Variants in BOC observed in about 807,000 individuals in gnomAD.
BOC encodes BOC cell adhesion associated, oncogene regulated.
Under a neutral mutation model 112.0 loss-of-function variants are expected in BOC, and 76 were observed. That is an observed-to-expected ratio of 0.68 (90% confidence interval 0.56 to 0.82). BOC has a LOEUF of 0.82. Among genes scored for constraint, BOC ranks in the 40% least tolerant of loss-of-function variants. The pLI, the probability that BOC is intolerant of heterozygous loss-of-function variation, is 0.00. For synonymous variants in BOC, 580 were observed against 599.8 expected, an observed-to-expected ratio of 0.97 and a Z score of 0.48; for missense variants, 1,309 against 1,511.7, an observed-to-expected ratio of 0.87 and a Z score of 2.22.
intron 4 of BOC, among the ~76,000 whole-genome samples, chr3:113,262,693 C>T (rs1947021253): frequency 6.6e-6 from 1 of 152,226 alleles, no homozygotes; most frequent in Non-Finnish European, 1.5e-5. Context: ...ACATCCTCAG[C>T]AGAAAACTGC....
intron 2 of BOC, among the ~76,000 whole-genome samples, chr3:113,247,840 T>A (rs985059641): frequency 1.9e-4 from 29 of 152,188 alleles, no homozygotes; most frequent in Non-Finnish European, 3.5e-4. Flanking sequence ...ACCCTTTGAT[T>A]TACTGGATTG....
intron 2 of BOC, among the ~76,000 whole-genome samples, chr3:113,218,072 C>T (rs116621529): frequency 4.5e-4 from 68 of 152,242 alleles, no homozygotes; most frequent in African/African-American, 1.5e-3. Context: ...TGAAAGTTGC[C>T]GGGCTCTCAA....
chr3:113,261,983 T>A (rs77890678), intron 4 of BOC: 1 of 152,156 alleles, frequency 6.6e-6, no homozygotes. Flanking sequence ...TTTTTTTTTT[T>A]AATTCTTCTT....
chr3:113,271,297 G>A, intron 6 of BOC: 2 of 478,640 alleles, frequency 4.2e-6, no homozygotes, highest in South Asian at 1.6e-5. Context: ...CATGTGCCTA[G>A]AACAGATGGC....
chr3:113,250,020 G>A, intron 3 of BOC, 121 bp downstream of exon 3: 9 of 801,122 alleles, frequency 1.1e-5, no homozygotes, highest in South Asian at 6.3e-5. Context: ...ATTCCCATTG[G>A]CCTTCAGGGA....
Position 113,272,685 on chromosome 3 carries a change from T to C in BOC, c.943T>C (p.Tyr315His). ...GCAGCCCGGGGCAGCGGTCATCCTC[T>C]ACAATGTCCAGGTGTTTGGTGAGTG... ...VGQPGAAVIL[Y>H]NVQVFEPPEV... The change falls in exon 7 of 20, where the codon TAC becomes CAC. Residue 315 changes from tyrosine (Y) to histidine (H), a missense_variant. Transcript: ENST00000682979. 6.2e-7 allele frequency: 1 copy of C among 1,613,688 alleles called. No homozygotes were observed. Among genetic ancestry groups the C allele is most frequent in the Non-Finnish European group, 8.5e-7 (1 of 1,179,902 alleles).
intron 2 of BOC, among the ~76,000 whole-genome samples, chr3:113,234,581 T>C (rs1943163633): frequency 6.6e-6 from 1 of 152,216 alleles, no homozygotes; most frequent in Admixed American, 6.5e-5. Flanking sequence ...CCTAAGCTCA[T>C]TGAAGACTGG....
At chr3:113,218,463 T>C (rs1256321235) in intron 2 of BOC, among the ~76,000 whole-genome samples, 2 of 152,136 alleles carry the variant, frequency 1.3e-5, no homozygotes, top group African/African-American at 4.8e-5. Context: ...CATTTCATAG[T>C]GGTGTGAGGG....
chr3:113,272,314 T>G, intron 6 of BOC, 96 bp from the exon 7 acceptor site: 1 of 1,370,654 alleles, frequency 7.3e-7, no homozygotes, highest in South Asian at 1.3e-5. Flanking sequence ...GGCTGTTTGA[T>G]CCCATCTCCA....
At chr3:113,276,661 T>C (rs1418253713) in intron 9 of BOC, among the ~76,000 whole-genome samples, 1 of 152,248 alleles carries the variant, frequency 6.6e-6, no homozygotes, top group Non-Finnish European at 1.5e-5. Flanking sequence ...TAATTTTCAC[T>C]GTTTCACATC....
intron 2 of BOC, among the ~76,000 whole-genome samples, chr3:113,242,759 T>C (rs1193404778): frequency 2.0e-5 from 3 of 152,162 alleles, no homozygotes; most frequent in African/African-American, 7.2e-5. Flanking sequence ...AACTCTTTTC[T>C]CTGGTCTTCC....
In BOC at chr3:113,260,721, A is replaced by AAGAACAGAACAGAACAGAACAGAAC. The variant is rs1553737947; in HGVS notation, c.377-7570_377-7546dup. Among the ~76,000 whole-genome samples the AAGAACAGAACAGAACAGAACAGAAC allele has an allele frequency of 8.6e-3, 797 of 92,168 alleles. 18 individuals carry two copies. Among genetic ancestry groups the AAGAACAGAACAGAACAGAACAGAAC allele is most frequent in the Middle Eastern group, 0.015 (3 of 206 alleles). The allele number at this position is 92,168 out of a possible 152,430, so 60.5% of individuals were successfully genotyped here. ...ACAGAACAGAACAGAACAGAACAGAAAGAACAGAACAGAACAGAACAGAAC... is the reference window on the plus strand; with the variant it reads ...ACAGAACAGAACAGAACAGAACAGAAAGAACAGAACAGAACAGAACAGAACAGAACAGAACAGAACAGAACAGAAC... On this transcript the variant is annotated intron_variant, in intron 4 of 19. Transcript: ENST00000682979.
At chr3:113,280,509 G>A in intron 13 of BOC, 49 bp from the exon 14 acceptor site, 1 of 1,355,690 alleles carries the variant, frequency 7.4e-7, no homozygotes, top group Non-Finnish European at 1.1e-6. Context: ...TTGCTTTGAT[G>A]ATGTTTTCTC....
At chr3:113,237,470 C>T (rs1276265541) in intron 2 of BOC, among the ~76,000 whole-genome samples, 1 of 152,198 alleles carries the variant, frequency 6.6e-6, no homozygotes, top group Admixed American at 6.5e-5. Context: ...GGCATGGTCT[C>T]ATCCTAGATT....
In BOC at chr3:113,284,875, C is replaced by T; in HGVS notation, c.2966+17C>T. ...GATCACGAGGTAACCAGGCCTCTCC[C>T]CTTTCACTCCCAAGCCCCACAGCCT... is the stretch of plus-strand genomic sequence containing the variant. On this transcript the variant is annotated intron_variant, in intron 18 of 19. Coordinates refer to ENST00000682979, the MANE Select transcript of BOC (RefSeq NM_001378074.1). 6.2e-7 allele frequency: 1 copy of T among 1,609,730 alleles called. No individual in the cohort carries two copies. Among genetic ancestry groups the T allele is most frequent in the Non-Finnish European group, 8.5e-7 (1 of 1,175,986 alleles).
Position 113,278,205 on chromosome 3 carries a change from A to G in BOC, c.1653A>G (p.Ala551=), listed in dbSNP as rs781082175. The change falls in exon 10 of 20, where the codon GCA becomes GCG. Residue 551 remains alanine (A), a synonymous_variant. Coordinates refer to ENST00000682979, the MANE Select transcript of BOC (RefSeq NM_001378074.1). The surrounding 1 kb of genome is among the most constrained non-coding windows in gnomAD (Gnocchi z 4.2). ...GGAGCTTGTATGAAGTGGAGATGGC[A>G]GCTTACAACTGTGCGGGAGAGGGCC... ...DPGSLYEVEM[A]AYNCAGEGQT... 38 of 1,614,204 alleles carry G rather than the reference A, an allele frequency of 2.4e-5. No homozygotes were observed. The highest frequency in any genetic ancestry group is 3.1e-5 in the Non-Finnish European group (37 of 1,180,040).
chr3:113,225,187 T>C (rs1454023622), intron 2 of BOC, among the ~76,000 whole-genome samples: 1 of 151,600 alleles, frequency 6.6e-6, no homozygotes, highest in Admixed American at 6.6e-5. Context: ...GGTACAAGAA[T>C]CACTTGAACC....
chr3:113,241,135 T>C (rs551433286), intron 2 of BOC, among the ~76,000 whole-genome samples: 2 of 152,324 alleles, frequency 1.3e-5, no homozygotes, highest in East Asian at 3.9e-4. Context: ...GCCACAGGCC[T>C]GATACCCCAG....
intron 2 of BOC, among the ~76,000 whole-genome samples, chr3:113,246,235 G>A (rs1301545103): frequency 6.6e-6 from 1 of 152,066 alleles, no homozygotes; most frequent in African/African-American, 2.4e-5. Flanking sequence ...CCTTTAAACT[G>A]TCAAGTACCT....
Sources: allele counts gnomAD v4.1 joint callset (sites outside exome capture counted in the v4.1 genomes callset), GRCh38; gene constraint gnomAD v4.1.1; non-coding constraint Gnocchi (gnomAD v3.1); transcripts MANE v1.5; gene names NCBI Gene and HGNC (gene_info 2026-07-23, HGNC 2026-07-21).